PLA1A: variants seen among roughly 807,000 people sequenced by gnomAD.
The protein encoded by PLA1A is phosphatidylserine-specific phospholipase A1alpha.
Under a neutral mutation model 49.4 loss-of-function variants are expected in PLA1A, and 47 were observed. The ratio of observed to expected loss-of-function variants is 0.95; its 90% confidence interval spans 0.75 to 1.21. The LOEUF (loss-of-function observed/expected upper bound fraction) is 1.21, where lower values mean the gene tolerates loss of function less well. Ranked by LOEUF, PLA1A falls within the 50% of genes most tolerant of loss-of-function variation. The pLI is 0.00. For missense variants in PLA1A, 561 were observed against 563.9 expected (o/e 0.99, Z 0.05); for synonymous variants, 224 against 207.9 (o/e 1.08, Z -0.67).
At chr3:119,612,027 C>A (rs1052653626) in intron 4 of PLA1A, among the ~76,000 whole-genome samples, 1 of 152,162 alleles carries the variant, frequency 6.6e-6, no homozygotes, top group African/African-American at 2.4e-5. Context: ...CAGAGCCACT[C>A]TCAGTTAATA....
At chr3:119,609,738 A>G (rs2107784212) in intron 4 of PLA1A, among the ~76,000 whole-genome samples, 162 bp downstream of exon 4, 1 of 152,264 alleles carries the variant, frequency 6.6e-6, no homozygotes, top group East Asian at 1.9e-4. Flanking sequence ...TTTTGCATAA[A>G]ATGGTATTGT....
intron 9 of PLA1A, among the ~76,000 whole-genome samples, chr3:119,628,469 G>C (rs1052745573): frequency 6.6e-6 from 1 of 152,242 alleles, no homozygotes; most frequent in African/African-American, 2.4e-5. Context: ...TTTTGTTGCA[G>C]TGTCCACTTG....
At chr3:119,612,975 GCT>G in intron 4 of PLA1A, 40 bp from the exon 5 acceptor site, 2 of 1,290,992 alleles carry the variant, frequency 1.5e-6, no homozygotes, top group Non-Finnish European at 2.2e-6. Flanking sequence ...TGTTCCTGCA[GCT>G]GAGAGGAAAG....
chr3:119,609,086 C>A, intron 3 of PLA1A, 139 bp downstream of exon 3: 1 of 667,570 alleles, frequency 1.5e-6, no homozygotes, highest in Non-Finnish European at 2.6e-6. Context: ...CAAATCTTGA[C>A]TTTGCCACTC....
In PLA1A at chr3:119,606,907, A is replaced by T; in HGVS notation, c.207A>T (p.Gly69=). ...CTAGCTGTGGGCAGCTAGTAGAAGGAAGCAGTGACCTCCAAAACTCTGGGT... is the reference window on the plus strand; with the variant it reads ...CTAGCTGTGGGCAGCTAGTAGAAGGTAGCAGTGACCTCCAAAACTCTGGGT... ...SNPSCGQLVE[G]SSDLQNSGFN... is the part of the protein sequence containing the mutation. Residue 69 remains glycine (G), a synonymous_variant, in exon 2 of 11, where the codon GGA becomes GGT. Transcript: ENST00000273371. 3 of 1,614,172 alleles carry T rather than the reference A, an allele frequency of 1.9e-6. No individual in the cohort carries two copies. Among genetic ancestry groups the T allele is most frequent in the Admixed American group, 1.7e-5 (1 of 60,032 alleles).
Position 119,613,081 on chromosome 3 carries a change from T to C in PLA1A, c.627T>C (p.Asp209=). 1.2e-6 allele frequency: 2 copies of C among 1,609,322 alleles called. No individual in the cohort carries two copies. Among genetic ancestry groups the C allele is most frequent in the East Asian group, 4.5e-5 (2 of 44,742 alleles). ...ASVEERLDAG[D]ALFVEAIHTD... ...TGGAAGAGCGCTTGGATGCTGGAGA[T>C]GCCCTCTTCGTGGAAGCCATCCACA... Residue 209 remains aspartate, a synonymous_variant, in exon 5 of 11, where the codon GAT becomes GAC. Transcript: ENST00000273371.
In PLA1A at chr3:119,608,794, G is replaced by C. The variant is rs1415723063; in HGVS notation, c.300G>C (p.Trp100Cys). Residue 100 changes from tryptophan (W) to cysteine (C), a missense_variant, in exon 3 of 11, where the codon TGG (tryptophan) becomes TGC (cysteine). Physicochemically the swap from Trp to Cys is radical, Grantham distance 215 (BLOSUM62 -2). Transcript: ENST00000273371. Reference protein sequence around the residue: ...GFRVLGTKPSWIDTFIRTLLR... With the variant: ...GFRVLGTKPSCIDTFIRTLLR... Reference sequence around the variant, plus strand: ...GGGTTTTAGGAACAAAGCCTTCCTGGATTGACACATTTATTAGAACCCTTC... The same window carrying C: ...GGGTTTTAGGAACAAAGCCTTCCTGCATTGACACATTTATTAGAACCCTTC... 3.1e-6 allele frequency: 5 copies of C among 1,613,846 alleles called. No individual in the cohort carries two copies. Among genetic ancestry groups the C allele is most frequent in the Non-Finnish European group, 4.2e-6 (5 of 1,179,892 alleles).
In PLA1A at chr3:119,608,254, A is replaced by AAGAT. The variant is rs1424703288; in HGVS notation, c.276-513_276-512insTAGA. 8.0e-5 allele frequency among the ~76,000 whole-genome samples: 10 copies of AAGAT among 125,258 alleles called. No individual in the cohort carries two copies. The East Asian group carries it at 1.8e-3, about 23-fold the overall frequency. The allele number at this position is 125,258 out of a possible 152,430, so 82.2% of individuals were successfully genotyped here. Reference sequence around the variant, plus strand: ...AGAGAAAGAAAGAGAGAAAGAAAGAAAGAAAGAAAGAAAGAAAGAAAGAAA... The same window carrying AAGAT: ...AGAGAAAGAAAGAGAGAAAGAAAGAAAGATAGAAAGAAAGAAAGAAAGAAAGAAA... On this transcript the variant is annotated intron_variant, in intron 2 of 10. Coordinates refer to ENST00000273371, the MANE Select transcript of PLA1A (RefSeq NM_015900.4).
intron 6 of PLA1A, among the ~76,000 whole-genome samples, chr3:119,616,701 A>G (rs1263009264): frequency 6.6e-6 from 1 of 152,232 alleles, no homozygotes; most frequent in South Asian, 2.1e-4. Context: ...AATTTCTAAC[A>G]TTTTAAGGAT....
chr3:119,597,945 G>T lies in PLA1A; in HGVS notation c.32G>T (p.Trp11Leu). Residue 11 changes from tryptophan to leucine, a missense_variant, in exon 1 of 11, where the codon TGG (tryptophan) becomes TTG (leucine). Trp to Leu is a moderately conservative substitution (Grantham distance 61, BLOSUM62 -2). Transcript: ENST00000273371. ...CCAGGTCCCTGGGAGAGCTGCTTCTGGGTGGGGGGCCTCATTTTGTGGCTC... is the reference window on the plus strand; with the variant it reads ...CCAGGTCCCTGGGAGAGCTGCTTCTTGGTGGGGGGCCTCATTTTGTGGCTC... The part of the protein sequence containing the change: MPPGPWESCF[W>L]VGGLILWLSV... 6.2e-7 allele frequency: 1 copy of T among 1,611,050 alleles called. No homozygotes were observed.
intron 5 of PLA1A, among the ~76,000 whole-genome samples, chr3:119,615,572 G>T (rs1297201454): frequency 6.6e-6 from 1 of 152,130 alleles, no homozygotes; most frequent in African/African-American, 2.4e-5. Context: ...AGAAAACTGG[G>T]AGGCTGAGGC....
chr3:119,606,946 G>T lies in PLA1A; in HGVS notation c.246G>T (p.Leu82=). Residue 82 remains leucine, a synonymous_variant, in exon 2 of 11, where the codon CTG becomes CTT. Coordinates refer to ENST00000273371, the MANE Select transcript of PLA1A (RefSeq NM_015900.4). The stretch of plus-strand genomic sequence containing the variant: ...AAAACTCTGGGTTCAATGCCACTCT[G>T]GGAACCAAACTAATTATCCATGGAT... ...DLQNSGFNAT[L]GTKLIIHGFR... 1.9e-6 allele frequency: 3 copies of T among 1,614,032 alleles called. No individual in the cohort carries two copies. The highest frequency in any genetic ancestry group is 2.5e-6 in the Non-Finnish European group (3 of 1,179,914).
intron 1 of PLA1A, among the ~76,000 whole-genome samples, chr3:119,602,253 C>T (rs758966346): frequency 6.6e-6 from 1 of 152,166 alleles, no homozygotes; most frequent in South Asian, 2.1e-4. Context: ...TAGAATTCCT[C>T]TGTGAAACTC....
At chr3:119,620,047 T>G (rs1298401204) in intron 8 of PLA1A, 1 of 460,446 alleles carries the variant, frequency 2.2e-6, no homozygotes, top group Admixed American at 2.3e-5. Context: ...ATACTGAACC[T>G]TTCCCTCTGG....
At position 119,606,882 on chromosome 3, in the gene PLA1A, C is replaced by T. The variant is rs1046858214; in HGVS notation, c.182C>T (p.Pro61Leu). The T allele has an allele frequency of 1.2e-6, 2 of 1,614,026 alleles. No individual in the cohort carries two copies. The highest frequency in any genetic ancestry group is 1.7e-6 in the Non-Finnish European group (2 of 1,179,996). Residue 61 changes from proline to leucine, a missense_variant, in exon 2 of 11, where the codon CCT becomes CTT. Transcript: ENST00000273371. ...TTTCTCCTCTTTGTCCCTTCGAATC[C>T]TAGCTGTGGGCAGCTAGTAGAAGGA... ...VQFLLFVPSNPSCGQLVEGSS... is the reference protein window; with the variant it reads ...VQFLLFVPSNLSCGQLVEGSS...
chr3:119,610,551 G>T (rs2082751469), intron 4 of PLA1A, among the ~76,000 whole-genome samples: 1 of 151,922 alleles, frequency 6.6e-6, no homozygotes, highest in Non-Finnish European at 1.5e-5. Flanking sequence ...ATATCATGGT[G>T]TGATGATTAG....
chr3:119,609,944 GATAGGT>G (rs1259246787), intron 4 of PLA1A, among the ~76,000 whole-genome samples: 1 of 152,180 alleles, frequency 6.6e-6, no homozygotes, highest in Non-Finnish European at 1.5e-5. Context: ...ATCAGTACTT[GATAGGT>G]AGTTTTGCAA....
chr3:119,608,385 A>G (rs188065826), intron 2 of PLA1A, among the ~76,000 whole-genome samples: 3 of 152,220 alleles, frequency 2.0e-5, no homozygotes, highest in Non-Finnish European at 2.9e-5. Context: ...ACTCTAGGGC[A>G]TATTTCTTTT....
At chr3:119,625,295 A>G (rs2052502258) in intron 9 of PLA1A, 63 bp downstream of exon 9, 6 of 1,034,152 alleles carry the variant, frequency 5.8e-6, no homozygotes, top group Non-Finnish European at 9.0e-6. Context: ...TTCATTTTAC[A>G]CACATGGACA....
Sources: gnomAD v4.1 joint callset for allele counts (sites outside exome capture counted in the v4.1 genomes callset) on GRCh38, gnomAD v4.1.1 for gene constraint, MANE v1.5 for transcripts, NCBI Gene and HGNC (gene_info 2026-07-23, HGNC 2026-07-21) for gene names.